The following NNT variants were observed in gnomAD, a reference collection of about 807,000 sequenced individuals.
NNT encodes NAD(P) transhydrogenase, mitochondrial.
Under a neutral mutation model 104.8 loss-of-function variants are expected in NNT, and 50 were observed. That is an observed-to-expected ratio of 0.48 (90% CI 0.38 to 0.60). NNT has a LOEUF of 0.60. NNT is among the 20% of genes least tolerant of loss of function. NNT has a pLI of 0.00. For missense variants in NNT, 1,131 were observed against 1,330.7 expected (o/e 0.85, Z 2.33); for synonymous variants, 461 against 490.4 (o/e 0.94, Z 0.79).
intron 7 of NNT, among the ~76,000 whole-genome samples, chr5:43,641,154 T>G (rs1011954900): frequency 6.6e-6 from 1 of 152,148 alleles, no homozygotes; most frequent in African/African-American, 2.4e-5. Flanking sequence ...TGCATTATAC[T>G]TTATTATATT....
At position 43,621,191 on chromosome 5, in the gene NNT, C is replaced by T. The variant is rs977780905; in HGVS notation, c.687+2072C>T. Among the ~76,000 whole-genome samples, 7 of 152,316 alleles carry T rather than the reference C, an allele frequency of 4.6e-5. No homozygotes were observed. The South Asian group carries it at 1.0e-3, about 23-fold the overall frequency. On this transcript the variant is annotated intron_variant, in intron 5 of 21. Transcript: ENST00000344920. The stretch of plus-strand genomic sequence containing the variant: ...CCTGTGGGCCACAAGTGGCCCAGGA[C>T]GGTTTTGAATGCGGCCCAACACAAA...
chr5:43,674,298 TC>T (rs1430842225), intron 17 of NNT, among the ~76,000 whole-genome samples: 5 of 152,154 alleles, frequency 3.3e-5, no homozygotes, highest in African/African-American at 1.2e-4. Flanking sequence ...TACCTTTTCC[TC>T]CCTGCCTTTG....
At chr5:43,626,935 AGAC>A (rs1750401168) in intron 6 of NNT, among the ~76,000 whole-genome samples, 1 of 152,104 alleles carries the variant, frequency 6.6e-6, no homozygotes. Flanking sequence ...TAATATTGGT[AGAC>A]AATTCTGAAG....
intron 19 of NNT, among the ~76,000 whole-genome samples, chr5:43,687,096 A>G (rs149433588): frequency 2.2e-3 from 342 of 152,240 alleles, no homozygotes; most frequent in African/African-American, 7.8e-3. Flanking sequence ...AGTGGCAGGA[A>G]CTGGTAAATA....
chr5:43,707,152 A>T lies in NNT; in HGVS notation c.*2748A>T, dbSNP rs1743116292. 6.6e-6 allele frequency: 1 copy of T among 152,184 alleles called. No individual in the cohort carries two copies. Among genetic ancestry groups the T allele is most frequent in the Non-Finnish European group, 1.5e-5 (1 of 68,036 alleles). 9.4% of individuals were successfully genotyped at this position (152,184 alleles called of 1,614,324 possible). ...AAAAAGAAAACAGAAGCTATTTATA[A>T]AGAAGTTATTTGCTGAAATAAATGT... On this transcript the variant is annotated 3_prime_UTR_variant, in exon 22 of 22. Transcript: ENST00000344920.
intron 1 of NNT, 101 bp downstream of exon 1, chr5:43,603,395 C>T (rs372835913): frequency 6.5e-6 from 1 of 152,778 alleles, no homozygotes; most frequent in Non-Finnish European, 1.5e-5. Flanking sequence ...CGGCCCTCGC[C>T]GGGAGAGAGA....
At chr5:43,668,300 C>A (rs1740833788) in intron 17 of NNT, among the ~76,000 whole-genome samples, 1 of 147,100 alleles carries the variant, frequency 6.8e-6, no homozygotes, top group Admixed American at 6.7e-5. Flanking sequence ...TCCCATTTGT[C>A]AATTTTGGCT....
At chr5:43,679,311 C>T (rs1258243981) in intron 19 of NNT, among the ~76,000 whole-genome samples, 1 of 152,128 alleles carries the variant, frequency 6.6e-6, no homozygotes, top group East Asian at 1.9e-4. Context: ...CCTCTTTCAC[C>T]ACATAAATAT....
intron 10 of NNT, among the ~76,000 whole-genome samples, chr5:43,646,651 CG>C (rs1739460683): frequency 6.6e-6 from 1 of 151,998 alleles, no homozygotes; most frequent in Non-Finnish European, 1.5e-5. Context: ...AATATAATTA[CG>C]TTTTTTTCTG....
intron 2 of NNT, 71 bp downstream of exon 2, chr5:43,609,417 A>C (rs908955055): frequency 6.7e-7 from 1 of 1,482,852 alleles, no homozygotes; most frequent in East Asian, 2.3e-5. Flanking sequence ...GATGATTGAT[A>C]AAAGGAAAAG....
At chr5:43,675,370 C>T (rs1741355155) in intron 17 of NNT, 141 bp from the exon 18 acceptor site, 1 of 634,432 alleles carries the variant, frequency 1.6e-6, no homozygotes. Flanking sequence ...CAGAAACCAG[C>T]TGAAATTTAT....
At chr5:43,690,829 G>A (rs1742233643) in intron 19 of NNT, among the ~76,000 whole-genome samples, 1 of 152,118 alleles carries the variant, frequency 6.6e-6, no homozygotes, top group Non-Finnish European at 1.5e-5. Context: ...GCAGATTAAT[G>A]AGCCTCTCTC....
intron 12 of NNT, among the ~76,000 whole-genome samples, chr5:43,651,176 T>C (rs778710034): frequency 3.9e-5 from 6 of 152,244 alleles, no homozygotes; most frequent in Admixed American, 6.5e-5. Context: ...TTTTTCCTTT[T>C]AGTCATGCAG....
intron 2 of NNT, among the ~76,000 whole-genome samples, chr5:43,611,903 G>A (rs1417832590): frequency 2.0e-5 from 3 of 152,100 alleles, no homozygotes; most frequent in Non-Finnish European, 2.9e-5. Context: ...CTAAATATAA[G>A]ATTGTACTAT....
At chr5:43,673,300 C>T (rs930033362) in intron 17 of NNT, among the ~76,000 whole-genome samples, 16 of 152,204 alleles carry the variant, frequency 1.1e-4, no homozygotes, top group Admixed American at 5.2e-4. Flanking sequence ...CTTGCCCACA[C>T]TGTCCGACAA....
intron 6 of NNT, among the ~76,000 whole-genome samples, chr5:43,627,853 AATG>A (rs1431226288): frequency 6.6e-6 from 1 of 152,174 alleles, no homozygotes; most frequent in Admixed American, 6.5e-5. Context: ...GAGTGATTTG[AATG>A]ATATCAAATC....
At chr5:43,696,293 A>G (rs1450202732) in intron 19 of NNT, among the ~76,000 whole-genome samples, 9 of 152,190 alleles carry the variant, frequency 5.9e-5, no homozygotes. Context: ...AGGGCAATCA[A>G]ATCTTAAAGC....
chr5:43,656,111 T>A, intron 15 of NNT, 38 bp downstream of exon 15: 1 of 1,522,840 alleles, frequency 6.6e-7, no homozygotes, highest in Non-Finnish European at 9.1e-7. Flanking sequence ...AAATATCTAC[T>A]GTTTAGGGCA....
chr5:43,667,108 T>C (rs1403878826), intron 17 of NNT: 1 of 1,540,348 alleles, frequency 6.5e-7, no homozygotes, highest in East Asian at 2.2e-5. Context: ...AAAGTGCATG[T>C]TCCTCAGGAA....
Sources: allele counts gnomAD v4.1 joint callset (sites outside exome capture counted in the v4.1 genomes callset), GRCh38; gene constraint gnomAD v4.1.1; transcripts MANE v1.5; gene names NCBI Gene and HGNC (gene_info 2026-07-23, HGNC 2026-07-21).